Variants in RANBP2 observed in about 807,000 individuals in gnomAD.
RANBP2 encodes E3 SUMO-protein ligase RanBP2.
In RANBP2, 57 loss-of-function variants were observed where a neutral mutation model predicts 303.6. The ratio of observed to expected loss-of-function variants is 0.19; its 90% confidence interval spans 0.15 to 0.23. The LOEUF (loss-of-function observed/expected upper bound fraction) is 0.23, where lower values mean the gene tolerates loss of function less well. Among genes scored for constraint, RANBP2 ranks in the 10% least tolerant of loss-of-function variants. RANBP2 has a pLI of 1.00. For synonymous variants in RANBP2, 1,167 were observed against 1,301.5 expected (o/e 0.90, Z 2.23); for missense variants, 3,138 against 3,780.8 (o/e 0.83, Z 4.46).
the RANBP2 span, chr2:108,798,337 A>G: frequency 7.0e-7 from 1 of 1,435,076 alleles, no homozygotes; most frequent in Non-Finnish European, 9.5e-7. Flanking sequence ...CCTGAAAACC[A>G]CTTGGTTAAA....
the RANBP2 span, among the ~76,000 whole-genome samples, chr2:108,855,319 G>A: frequency 2.0e-5 from 3 of 152,186 alleles, no homozygotes; most frequent in East Asian, 1.9e-4. Context: ...ATAGTAGTCA[G>A]CCTATTTTTA....
At chr2:109,229,637 A>G in the RANBP2 span, among the ~76,000 whole-genome samples, 1 of 152,180 alleles carries the variant, frequency 6.6e-6, no homozygotes, top group African/African-American at 2.4e-5. Flanking sequence ...CAGCCCCTCC[A>G]GGGTCAGGAA....
rs770114161 is a variant in RANBP2 at position 108,782,641 on chromosome 2, G to A, written c.9148G>A (p.Gly3050Arg). 3 of 1,614,066 alleles carry A rather than the reference G, an allele frequency of 1.9e-6. No homozygotes were observed. Among genetic ancestry groups the A allele is most frequent in the African/African-American group, 1.3e-5 (1 of 74,920 alleles). Residue 3050 changes from glycine to arginine, a missense_variant, in exon 28 of 29, where the codon GGA (glycine) becomes AGA (arginine). Coordinates refer to ENST00000283195, the MANE Select transcript of RANBP2 (RefSeq NM_006267.5). Reference protein sequence around the residue: ...CQQNLMKLQKGHVSLAAELSK... With the variant: ...CQQNLMKLQKRHVSLAAELSK... ...GCAGAATTTAATGAAACTCCAGAAA[G>A]GACATGTATCACTGGCAGCAGAATT... is the stretch of plus-strand genomic sequence containing the variant.
chr2:109,462,497 C>T, the RANBP2 span, among the ~76,000 whole-genome samples: 10 of 152,204 alleles, frequency 6.6e-5, no homozygotes, highest in African/African-American at 1.9e-4. Flanking sequence ...TCTTCTGCAC[C>T]GGCCAAACAG....
At chr2:109,323,342 C>A in the RANBP2 span, among the ~76,000 whole-genome samples, 1 of 152,164 alleles carries the variant, frequency 6.6e-6, no homozygotes. Context: ...GAAGAAGATA[C>A]CTGTATGACT....
chr2:109,332,507 C>T, the RANBP2 span, among the ~76,000 whole-genome samples: 2 of 152,176 alleles, frequency 1.3e-5, no homozygotes, highest in Non-Finnish European at 2.9e-5. Flanking sequence ...CCTAAGGAGT[C>T]CCAGGATGTG....
At chr2:108,791,875 A>C in the RANBP2 span, 1 of 1,411,344 alleles carries the variant, frequency 7.1e-7, no homozygotes, top group South Asian at 1.3e-5. Flanking sequence ...CTTCCCTCCT[A>C]GTAATAACAC....
the RANBP2 span, among the ~76,000 whole-genome samples, chr2:109,652,599 C>T: frequency 2.6e-5 from 4 of 152,172 alleles, no homozygotes; most frequent in Non-Finnish European, 5.9e-5. Flanking sequence ...ACGTTTCACA[C>T]GACTATGGAT....
chr2:108,787,636 A>G (rs897416210), downstream of RANBP2, among the ~76,000 whole-genome samples: 39 of 152,126 alleles, frequency 2.6e-4, no homozygotes, highest in African/African-American at 9.4e-4. Context: ...AAGAACGAGC[A>G]TTGATTGTAT....
downstream of RANBP2, among the ~76,000 whole-genome samples, chr2:108,790,658 G>T (rs939655003): frequency 2.0e-5 from 3 of 152,126 alleles, no homozygotes; most frequent in Non-Finnish European, 4.4e-5. Context: ...CCGAGATCGC[G>T]CCACTGCACT....
chr2:108,923,272 T>C, the RANBP2 span: 2 of 1,199,552 alleles, frequency 1.7e-6, no homozygotes, highest in Non-Finnish European at 2.5e-6. Flanking sequence ...ATTCACCTTG[T>C]CCAGGTGCCA....
In RANBP2 at chr2:108,783,610, C is replaced by T. The variant is rs1678411822; in HGVS notation, c.9384C>T (p.Thr3128=). The change falls in exon 29 of 29, where the codon ACC becomes ACT. Residue 3128 remains threonine, a synonymous_variant. Transcript: ENST00000283195. ...PDFVCQGGDI[T]KHDGTGGQSI... ...CTTTTTTTCAGGGAGGAGATATCAC[C>T]AAACATGATGGAACAGGCGGACAGT... 6.2e-7 allele frequency: 1 copy of T among 1,610,390 alleles called. No individual in the cohort carries two copies. The highest frequency in any genetic ancestry group is 8.5e-7 in the Non-Finnish European group (1 of 1,178,032).
chr2:109,265,563 A>G, the RANBP2 span, among the ~76,000 whole-genome samples: 3 of 152,166 alleles, frequency 2.0e-5, no homozygotes, highest in Non-Finnish European at 2.9e-5. Context: ...GGTCTCCTTC[A>G]GGGCAGGTGT....
the RANBP2 span, among the ~76,000 whole-genome samples, chr2:109,119,918 C>T: frequency 3.3e-5 from 5 of 152,068 alleles, no homozygotes; most frequent in African/African-American, 4.8e-5. Flanking sequence ...TTTTATGGAC[C>T]AAAAGAAATG....
At chr2:109,240,226 A>G in the RANBP2 span, among the ~76,000 whole-genome samples, 2 of 152,220 alleles carry the variant, frequency 1.3e-5, no homozygotes, top group African/African-American at 4.8e-5. Context: ...GAAGCCAGGC[A>G]TGGTGGCTCA....
chr2:108,934,405 G>A, the RANBP2 span, among the ~76,000 whole-genome samples: 1 of 152,146 alleles, frequency 6.6e-6, no homozygotes, highest in African/African-American at 2.4e-5. Flanking sequence ...AGTGCCTGGC[G>A]ATGCTGCTGG....
chr2:108,933,153 C>A, the RANBP2 span, among the ~76,000 whole-genome samples: 1 of 152,190 alleles, frequency 6.6e-6, no homozygotes. Flanking sequence ...GAGAAGAATG[C>A]CTCCGGGTGT....
the RANBP2 span, chr2:108,812,978 G>A: frequency 1.5e-3 from 2,277 of 1,495,962 alleles, 48 homozygotes; most frequent in Middle Eastern, 6.3e-4. Context: ...GGCTGGGTAC[G>A]GTGGCTCACA....
At chr2:108,897,215 C>A in the RANBP2 span, 1 of 1,613,662 alleles carries the variant, frequency 6.2e-7, no homozygotes, top group South Asian at 1.1e-5. Context: ...AATGGCAGCT[C>A]CGTGGGGCTA....
Sources: gnomAD v4.1 joint callset for allele counts (sites outside exome capture counted in the v4.1 genomes callset) on GRCh38, gnomAD v4.1.1 for gene constraint, MANE v1.5 for transcripts, NCBI Gene and HGNC (gene_info 2026-07-23, HGNC 2026-07-21) for gene names.